KIF1B: variants seen among roughly 807,000 people sequenced by gnomAD.
KIF1B encodes kinesin-like protein KIF1B.
Under a neutral mutation model 241.9 loss-of-function variants are expected in KIF1B, and 76 were observed. That is an observed-to-expected ratio of 0.31 (90% confidence interval 0.26 to 0.38). KIF1B has a LOEUF of 0.38. Ranked by LOEUF, KIF1B falls within the 10% of genes least tolerant of loss-of-function variation. The pLI, the probability that KIF1B is intolerant of heterozygous loss-of-function variation, is 1.00. For missense variants in KIF1B, 1,622 were observed against 2,271.4 expected (o/e 0.71, Z 5.81); for synonymous variants, 750 against 796.7 (o/e 0.94, Z 0.99).
intron 22 of KIF1B, among the ~76,000 whole-genome samples, chr1:10,300,397 A>G (rs1157993545): frequency 1.3e-5 from 2 of 151,812 alleles, no homozygotes; most frequent in Non-Finnish European, 2.9e-5. Context: ...AAGAGGACAT[A>G]CTCTACAGAG....
intron 5 of KIF1B, among the ~76,000 whole-genome samples, 156 bp from the exon 6 acceptor site, chr1:10,267,224 G>T (rs1419481048): frequency 6.6e-6 from 1 of 152,010 alleles, no homozygotes; most frequent in Non-Finnish European, 1.5e-5. Context: ...TCACCATGTT[G>T]GCCAGACTGG....
intron 27 of KIF1B, among the ~76,000 whole-genome samples, chr1:10,328,621 A>G (rs546410184): frequency 1.3e-5 from 2 of 152,256 alleles, no homozygotes; most frequent in Non-Finnish European, 2.9e-5. Context: ...GTTGGAAGTT[A>G]AAACCCAGTT....
Position 10,246,025 on chromosome 1 carries a change from A to G in KIF1B, c.107-10222A>G, listed in dbSNP as rs181836407. Among the ~76,000 whole-genome samples the G allele has an allele frequency of 5.9e-5, 9 of 152,262 alleles. No homozygotes were observed. The East Asian group carries it at 1.5e-3, about 26-fold the overall frequency. On this transcript the variant is annotated intron_variant, in intron 2 of 48. Transcript: ENST00000676179. ...ATTTCTTCTAGTTCTGGGGGCTTAA[A>G]TGTCATTGAGATGGTGATAACTCCC...
chr1:10,347,078 T>C (rs1652615873), intron 35 of KIF1B, among the ~76,000 whole-genome samples: 1 of 152,234 alleles, frequency 6.6e-6, no homozygotes, highest in South Asian at 2.1e-4. Flanking sequence ...ATTAATGTAA[T>C]TGTTGTGTAT....
intron 1 of KIF1B, among the ~76,000 whole-genome samples, chr1:10,221,094 CTTTTTTTT>C (rs34039054): frequency 1.8e-4 from 17 of 94,242 alleles, no homozygotes; most frequent in African/African-American, 6.4e-4. Context: ...CAGAAAGAAG[CTTTTTTTT>C]TTTTTTTTTT....
At chr1:10,344,021 C>A (rs146521214) in intron 34 of KIF1B, among the ~76,000 whole-genome samples, 3 of 152,224 alleles carry the variant, frequency 2.0e-5, no homozygotes, top group East Asian at 3.9e-4. Flanking sequence ...ATTGCCTATT[C>A]GCCAAATTCC....
At chr1:10,256,837 G>A (rs1647815712) in intron 3 of KIF1B, among the ~76,000 whole-genome samples, 1 of 151,900 alleles carries the variant, frequency 6.6e-6, no homozygotes, top group Non-Finnish European at 1.5e-5. Context: ...TCAGCCTCCC[G>A]AGTAGCTGGG....
intron 18 of KIF1B, among the ~76,000 whole-genome samples, chr1:10,295,432 A>G (rs1650213161): frequency 6.6e-6 from 1 of 152,082 alleles, no homozygotes; most frequent in Non-Finnish European, 1.5e-5. Context: ...TCATGTCTTT[A>G]TAATACTGTA....
chr1:10,317,863 T>C, intron 22 of KIF1B, among the ~76,000 whole-genome samples: 1 of 151,210 alleles, frequency 6.6e-6, no homozygotes, highest in East Asian at 1.9e-4. Context: ...ATTTTGATAT[T>C]GTATTACCAT....
chr1:10,304,733 G>A (rs1650741215), intron 22 of KIF1B: 1 of 1,567,886 alleles, frequency 6.4e-7, no homozygotes, highest in Non-Finnish European at 8.6e-7. Flanking sequence ...CTTTGGCCTT[G>A]AGTTCTTATT....
intron 15 of KIF1B, among the ~76,000 whole-genome samples, chr1:10,287,762 A>C (rs1649787039): frequency 6.6e-6 from 1 of 152,220 alleles, no homozygotes. Context: ...TCTTAGAGTG[A>C]GTTCTACAGT....
chr1:10,249,101 C>T (rs571564392), intron 2 of KIF1B, among the ~76,000 whole-genome samples: 15 of 152,330 alleles, frequency 9.8e-5, no homozygotes, highest in Middle Eastern at 3.4e-3. Flanking sequence ...ACAAAGCCTA[C>T]GTGCTGATTC....
At chr1:10,375,610 C>G (rs905764066) in intron 48 of KIF1B, among the ~76,000 whole-genome samples, 6 of 151,988 alleles carry the variant, frequency 3.9e-5, no homozygotes, top group Non-Finnish European at 7.4e-5. Flanking sequence ...GTCTCAAACT[C>G]CTGACCTCAA....
At chr1:10,289,469 C>T (rs180885803) in intron 15 of KIF1B, among the ~76,000 whole-genome samples, 4 of 152,314 alleles carry the variant, frequency 2.6e-5, no homozygotes, top group Admixed American at 6.5e-5. Flanking sequence ...CCTGTCCTGA[C>T]AACCTCACTT....
At chr1:10,214,967 G>A (rs1240686260) in intron 1 of KIF1B, among the ~76,000 whole-genome samples, 2 of 151,502 alleles carry the variant, frequency 1.3e-5, no homozygotes, top group East Asian at 1.9e-4. Flanking sequence ...TATGGTTTCC[G>A]TGATTTCCAG....
chr1:10,256,640 C>T (rs1331054542), intron 3 of KIF1B, among the ~76,000 whole-genome samples: 2 of 151,286 alleles, frequency 1.3e-5, no homozygotes, highest in East Asian at 3.9e-4. Context: ...TTATCAGTAT[C>T]TTAGGATCCT....
intron 1 of KIF1B, among the ~76,000 whole-genome samples, 176 bp downstream of exon 1, chr1:10,211,054 C>T (rs1048461719): frequency 1.1e-4 from 16 of 152,080 alleles, no homozygotes; most frequent in East Asian, 3.9e-4. Context: ...CTCCCTAGGC[C>T]AGCAGCGAGT....
intron 22 of KIF1B, among the ~76,000 whole-genome samples, chr1:10,311,133 A>G (rs1200495362): frequency 6.6e-6 from 1 of 150,470 alleles, no homozygotes; most frequent in African/African-American, 2.5e-5. Context: ...TCTCTCCTGG[A>G]TTATTCCTGC....
At chr1:10,285,503 A>G (rs1378501454) in intron 15 of KIF1B, among the ~76,000 whole-genome samples, 1 of 152,202 alleles carries the variant, frequency 6.6e-6, no homozygotes, top group Non-Finnish European at 1.5e-5. Context: ...AAGCAAGACA[A>G]AACTGTATTA....
Sources: allele counts gnomAD v4.1 joint callset (sites outside exome capture counted in the v4.1 genomes callset), GRCh38; gene constraint gnomAD v4.1.1; transcripts MANE v1.5; gene names NCBI Gene and HGNC (gene_info 2026-07-23, HGNC 2026-07-21).